Variants in HIVEP3 observed in about 807,000 individuals in gnomAD.
HIVEP3 encodes the protein HIVEP zinc finger 3.
A neutral mutation model predicts 152.8 loss-of-function variants in HIVEP3; 49 were observed. The ratio of observed to expected loss-of-function variants is 0.32; its 90% confidence interval spans 0.26 to 0.41. HIVEP3 has a LOEUF of 0.41. Among genes scored for constraint, HIVEP3 ranks in the 10% least tolerant of loss-of-function variants. HIVEP3 has a pLI of 1.00. For missense variants in HIVEP3, 2,790 were observed against 3,103.3 expected, an observed-to-expected ratio of 0.90 and a Z score of 2.40; for synonymous variants, 1,269 against 1,289.0, an observed-to-expected ratio of 0.98 and a Z score of 0.33.
At chr1:41,633,545 G>T (rs929460772) in intron 2 of HIVEP3, among the ~76,000 whole-genome samples, 1 of 152,136 alleles carries the variant, frequency 6.6e-6, no homozygotes, top group Non-Finnish European at 1.5e-5. Flanking sequence ...GCCTTCAACT[G>T]CATGACTTTA....
intron 1 of HIVEP3, among the ~76,000 whole-genome samples, chr1:41,891,721 C>T (rs146561805): frequency 8.3e-4 from 127 of 152,342 alleles, no homozygotes; most frequent in African/African-American, 2.7e-3. Flanking sequence ...AACATCCATT[C>T]GGGCTGGTTT....
chr1:41,989,383 A>T (rs1380206804), intron 1 of HIVEP3, among the ~76,000 whole-genome samples: 1 of 152,214 alleles, frequency 6.6e-6, no homozygotes, highest in Non-Finnish European at 1.5e-5. Context: ...ATTAAAATCT[A>T]CAAAAAATAA....
chr1:41,613,930 T>C (rs1444449494), intron 3 of HIVEP3, among the ~76,000 whole-genome samples: 2 of 152,268 alleles, frequency 1.3e-5, no homozygotes, highest in African/African-American at 2.4e-5. Context: ...CTTTTGTGTC[T>C]GGCTTCTTTC....
intron 3 of HIVEP3, among the ~76,000 whole-genome samples, chr1:41,622,143 C>G (rs1330303880): frequency 6.6e-6 from 1 of 152,238 alleles, no homozygotes; most frequent in East Asian, 1.9e-4. Context: ...TATACAGCAG[C>G]ACCCTGCTGG....
intron 1 of HIVEP3, among the ~76,000 whole-genome samples, chr1:41,781,770 G>A (rs1449820291): frequency 2.0e-5 from 3 of 152,218 alleles, no homozygotes; most frequent in Non-Finnish European, 4.4e-5. Context: ...AGGCTTGGAA[G>A]AAACCAAGAT....
At chr1:41,930,463 T>C (rs1644990775) in intron 1 of HIVEP3, among the ~76,000 whole-genome samples, 1 of 152,178 alleles carries the variant, frequency 6.6e-6, no homozygotes, top group African/African-American at 2.4e-5. Context: ...ACTTGTGCCT[T>C]TTTACAGATG....
chr1:41,844,023 G>C (rs568947949), intron 1 of HIVEP3, among the ~76,000 whole-genome samples: 6 of 152,056 alleles, frequency 3.9e-5, no homozygotes, highest in Admixed American at 6.6e-5. Flanking sequence ...TGCTCCACAT[G>C]GGACAATGTT....
At chr1:41,771,859 G>T (rs999119179) in intron 1 of HIVEP3, among the ~76,000 whole-genome samples, 4 of 152,038 alleles carry the variant, frequency 2.6e-5, no homozygotes, top group Admixed American at 6.6e-5. Context: ...TAGAGATGGG[G>T]TTTCACCGTG....
intron 3 of HIVEP3, among the ~76,000 whole-genome samples, chr1:41,602,287 T>C (rs1233991752): frequency 6.6e-6 from 1 of 152,206 alleles, no homozygotes; most frequent in Non-Finnish European, 1.5e-5. Flanking sequence ...TCCCTCCTCT[T>C]CAATTTTTTT....
intron 7 of HIVEP3, 99 bp from the exon 8 acceptor site, chr1:41,513,849 C>T (rs910419564): frequency 1.9e-6 from 2 of 1,055,090 alleles, no homozygotes; most frequent in African/African-American, 3.2e-5. Flanking sequence ...TGCCTGCTGA[C>T]TGGGCAAAAT....
intron 1 of HIVEP3, among the ~76,000 whole-genome samples, chr1:41,826,451 T>C (rs1170068011): frequency 6.6e-6 from 1 of 152,222 alleles, no homozygotes; most frequent in Non-Finnish European, 1.5e-5. Flanking sequence ...TTTGCTCTTA[T>C]TGCCCAGGCT....
intron 1 of HIVEP3, among the ~76,000 whole-genome samples, chr1:41,880,445 G>A (rs1201430540): frequency 6.6e-6 from 1 of 152,160 alleles, no homozygotes; most frequent in Non-Finnish European, 1.5e-5. Flanking sequence ...TGACAACAAA[G>A]GCATCTCTGT....
intron 5 of HIVEP3, among the ~76,000 whole-genome samples, chr1:41,530,715 C>T (rs531379963): frequency 5.9e-5 from 9 of 152,340 alleles, no homozygotes; most frequent in Admixed American, 3.9e-4. Flanking sequence ...GCCACTCTGA[C>T]GTCTACTGGG....
intron 1 of HIVEP3, among the ~76,000 whole-genome samples, chr1:41,908,673 A>G (rs1327386): frequency 0.5 from 76,658 of 151,988 alleles, 19,582 homozygotes; most frequent in East Asian, 0.71. Flanking sequence ...AACTCTACTG[A>G]AAACACTAAG....
intron 2 of HIVEP3, among the ~76,000 whole-genome samples, chr1:41,653,727 G>A (rs1285708386): frequency 6.6e-6 from 1 of 152,158 alleles, no homozygotes; most frequent in Non-Finnish European, 1.5e-5. Context: ...TAGGAGGCCA[G>A]GTGTCCTGCA....
intron 1 of HIVEP3, among the ~76,000 whole-genome samples, chr1:41,983,810 C>A (rs555102481): frequency 6.6e-6 from 1 of 152,094 alleles, no homozygotes; most frequent in South Asian, 2.1e-4. Context: ...AAAAAAATGT[C>A]CTGATGATAA....
chr1:41,966,640 A>ATT lies in HIVEP3; in HGVS notation n.120-48118_120-48117dup, dbSNP rs373102318. Among the ~76,000 whole-genome samples the ATT allele has an allele frequency of 2.9e-3, 410 of 142,510 alleles. 2 individuals are homozygous for ATT. The highest frequency in any genetic ancestry group is 4.6e-3 in the Non-Finnish European group (300 of 65,060). The allele number at this position is 142,510 out of a possible 152,430, so 93.5% of individuals were successfully genotyped here. ...AGGTGCCCATCACCGTGCCCAGCTA[A>ATT]TTTTTTTTTTTTTTGTATTTTTAGT... On this transcript the variant is annotated intron_variant and non_coding_transcript_variant, in intron 1 of 3. Transcript: ENST00000489103.
At chr1:41,824,456 A>G (rs1052738101) in intron 1 of HIVEP3, among the ~76,000 whole-genome samples, 2 of 152,094 alleles carry the variant, frequency 1.3e-5, no homozygotes, top group Non-Finnish European at 2.9e-5. Flanking sequence ...TCAAAACAGG[A>G]TCACACAGCT....
At chr1:41,832,206 C>T (rs1642983662) in intron 1 of HIVEP3, among the ~76,000 whole-genome samples, 1 of 152,182 alleles carries the variant, frequency 6.6e-6, no homozygotes, top group South Asian at 2.1e-4. Flanking sequence ...CTGGTCCAGC[C>T]CTGGCAAATG....
Sources: allele counts gnomAD v4.1 joint callset (sites outside exome capture counted in the v4.1 genomes callset), GRCh38; gene constraint gnomAD v4.1.1; transcripts MANE v1.5; gene names NCBI Gene and HGNC (gene_info 2026-07-23, HGNC 2026-07-21).